Variants in RICTOR observed in about 807,000 individuals in gnomAD.
RICTOR encodes RPTOR independent companion of MTOR complex 2, also known as rapamycin-insensitive companion of mTOR.
In RICTOR, 49 loss-of-function variants were observed where a neutral mutation model predicts 214.9. The ratio of observed to expected loss-of-function variants is 0.23; its 90% CI spans 0.18 to 0.29. The LOEUF (loss-of-function observed/expected upper bound fraction) is 0.29. Among genes scored for constraint, RICTOR ranks in the 10% least tolerant of loss-of-function variants. The pLI, the probability that RICTOR is intolerant of heterozygous loss-of-function variation, is 1.00. For missense variants in RICTOR, 1,625 were observed against 2,047.0 expected (o/e 0.79, Z 3.98); for synonymous variants, 717 against 711.3 (o/e 1.01, Z -0.13).
intron 36 of RICTOR, chr5:38,943,229 G>A: frequency 2.9e-6 from 1 of 346,244 alleles, no homozygotes; most frequent in South Asian, 6.0e-5. Context: ...TTTTTTATTG[G>A]CATGAGAAAT....
chr5:39,045,463 T>A (rs1443111106), intron 2 of RICTOR, among the ~76,000 whole-genome samples: 1 of 152,164 alleles, frequency 6.6e-6, no homozygotes, highest in Non-Finnish European at 1.5e-5. Context: ...AATTTCTATG[T>A]CTTAGTCTGT....
chr5:38,955,442 A>G (rs1389211194), intron 26 of RICTOR, among the ~76,000 whole-genome samples, 153 bp downstream of exon 26: 2 of 152,082 alleles, frequency 1.3e-5, no homozygotes, highest in African/African-American at 4.8e-5. Flanking sequence ...AAGGATATTC[A>G]ACATGCCATG....
intron 2 of RICTOR, among the ~76,000 whole-genome samples, chr5:39,028,835 C>G (rs1756059061): frequency 6.6e-6 from 1 of 152,064 alleles, no homozygotes; most frequent in Admixed American, 6.6e-5. Context: ...GTGTTTGAGG[C>G]TGCAGTGAGC....
intron 3 of RICTOR, among the ~76,000 whole-genome samples, chr5:39,017,941 T>A (rs1260280878): frequency 6.6e-6 from 1 of 152,066 alleles, no homozygotes. Context: ...CAAACAAGCT[T>A]CAAGGCGATA....
At chr5:39,034,976 C>T (rs1426355794) in intron 2 of RICTOR, among the ~76,000 whole-genome samples, 4 of 152,226 alleles carry the variant, frequency 2.6e-5, no homozygotes, top group Non-Finnish European at 4.4e-5. Context: ...AGTGGTTCTC[C>T]CAGCACGCAG....
chr5:38,939,019 TAGTTTACA>T lies in RICTOR; in HGVS notation c.*3277_*3284del, dbSNP rs1747253278. On this transcript the variant is annotated 3_prime_UTR_variant, in exon 38 of 38. Transcript: ENST00000357387. The stretch of plus-strand genomic sequence containing the variant: ...TACTTCCAAAGAACATTTCCCAAAG[TAGTTTACA>T]AAGTTCATCTCACACAAAATTAGCA... 8.6e-6 allele frequency: 2 copies of T among 232,968 alleles called. No homozygotes were observed. The highest frequency in any genetic ancestry group is 1.2e-4 in the East Asian group (2 of 16,434). 14.4% of individuals were successfully genotyped at this position (232,968 alleles called of 1,614,324 possible).
At chr5:39,017,699 CAAT>C (rs1221744865) in intron 3 of RICTOR, among the ~76,000 whole-genome samples, 1 of 152,070 alleles carries the variant, frequency 6.6e-6, no homozygotes, top group Non-Finnish European at 1.5e-5. Flanking sequence ...ATTTATTGCA[CAAT>C]ACTACATAAA....
Position 39,002,636 on chromosome 5 carries a change from T to C in RICTOR, c.291A>G (p.Lys97=), listed in dbSNP as rs2150105797. 1 of 1,608,672 alleles carries C rather than the reference T, an allele frequency of 6.2e-7. No individual in the cohort carries two copies. Among genetic ancestry groups the C allele is most frequent in the East Asian group, 2.2e-5 (1 of 44,688 alleles). The change falls in exon 5 of 38, where the codon AAA becomes AAG. Residue 97 remains lysine, a synonymous_variant. Coordinates refer to ENST00000357387, the MANE Select transcript of RICTOR (RefSeq NM_152756.5). ...CTCGTAGCCCTGCTGCTCGCACTTC[T>C]TTTGCTTCATTTAATAAAGCTAACC... ...CLRLALLNEA[K]EVRAAGLRAL...
intron 2 of RICTOR, among the ~76,000 whole-genome samples, chr5:39,073,026 TGTC>T (rs1200240353): frequency 6.6e-6 from 1 of 152,250 alleles, no homozygotes; most frequent in African/African-American, 2.4e-5. Flanking sequence ...CTCTAGCCGT[TGTC>T]AACAAGGAGC....
intron 3 of RICTOR, among the ~76,000 whole-genome samples, chr5:39,017,113 G>T (rs1262141109): frequency 6.6e-6 from 1 of 152,054 alleles, no homozygotes; most frequent in Non-Finnish European, 1.5e-5. Flanking sequence ...TAGTAACAAA[G>T]TAAAATAACA....
chr5:39,063,837 A>T (rs1355862126), intron 2 of RICTOR, among the ~76,000 whole-genome samples: 2 of 147,522 alleles, frequency 1.4e-5, no homozygotes, highest in East Asian at 3.9e-4. Context: ...AATGGGGTTA[A>T]AAAAAAAAAG....
chr5:38,993,949 A>G (rs1163527926), intron 6 of RICTOR, among the ~76,000 whole-genome samples: 2 of 152,126 alleles, frequency 1.3e-5, no homozygotes, highest in African/African-American at 2.4e-5. Flanking sequence ...CTGGGAGGCC[A>G]AGGCGGGCAG....
intron 2 of RICTOR, among the ~76,000 whole-genome samples, chr5:39,024,511 T>C (rs1755662459): frequency 6.6e-6 from 1 of 152,226 alleles, no homozygotes; most frequent in African/African-American, 2.4e-5. Flanking sequence ...TTAACTATAT[T>C]TGAGAAGTTC....
rs186235861 is a variant in RICTOR, at chr5:38,959,155, T to C, written c.2178+40A>G. On this transcript the variant is annotated intron_variant, in intron 22 of 37. Coordinates refer to ENST00000357387, the MANE Select transcript of RICTOR (RefSeq NM_152756.5). ...CAAAATTCATAAAGTAGTGAATTAATTGGTTATAAATATAGTTTTACTGGC... is the reference window on the plus strand; with the variant it reads ...CAAAATTCATAAAGTAGTGAATTAACTGGTTATAAATATAGTTTTACTGGC... 460 of 1,437,588 alleles carry C rather than the reference T, an allele frequency of 3.2e-4. 1 individual carries two copies. The highest frequency in any genetic ancestry group is 1.1e-3 in the Admixed American group (48 of 42,340). 89.1% of individuals were successfully genotyped at this position (1,437,588 alleles called of 1,614,324 possible).
In RICTOR at chr5:39,002,592, T is replaced by C; in HGVS notation, c.335A>G (p.Gln112Arg). The change falls in exon 5 of 38, where the codon CAA becomes CGA. Residue 112 changes from glutamine (Q) to arginine (R), a missense_variant. Gln to Arg is a conservative substitution (Grantham distance 43). Around this residue, in one of 5 missense-constraint regions of RICTOR, gnomAD observed 258 missense variants for 393.7 expected, o/e 0.66. Transcript: ENST00000357387. Reference protein sequence around the residue: ...AGLRALRYLIQDSSILQKVLK... With the variant: ...AGLRALRYLIRDSSILQKVLK... ...CACCTTCTGGAGAATACTGGAGTCT[T>C]GGATGAGATATCGAAGCGCTCGTAG... 6.2e-7 allele frequency: 1 copy of C among 1,612,202 alleles called. No individual in the cohort carries two copies. Among genetic ancestry groups the C allele is most frequent in the Non-Finnish European group, 8.5e-7 (1 of 1,178,572 alleles).
rs530509819 is a variant in RICTOR, at chr5:39,040,218, C to G, written c.98-19082G>C. ...CATTCTCAGCAAACTATTGCAAGGA[C>G]AAAAAACCAAACACCACATGTTCTC... On this transcript the variant is annotated intron_variant, in intron 2 of 37. Coordinates refer to ENST00000357387, the MANE Select transcript of RICTOR (RefSeq NM_152756.5). 1.8e-3 allele frequency among the ~76,000 whole-genome samples: 269 copies of G among 149,080 alleles called. 2 individuals carry two copies. The highest frequency in any genetic ancestry group is 6.4e-3 in the African/African-American group (257 of 40,354).
chr5:39,049,246 G>C (rs1178537024), intron 2 of RICTOR, among the ~76,000 whole-genome samples: 1 of 149,756 alleles, frequency 6.7e-6, no homozygotes, highest in Non-Finnish European at 1.5e-5. Flanking sequence ...CAAAAACCAT[G>C]AACACACAAG....
In RICTOR at chr5:38,962,552, T is replaced by C; in HGVS notation, c.1601A>G (p.Asp534Gly). The C allele has an allele frequency of 6.3e-7, 1 of 1,575,686 alleles. No individual in the cohort carries two copies. Among genetic ancestry groups the C allele is most frequent in the Non-Finnish European group, 8.6e-7 (1 of 1,156,854 alleles). The change falls in exon 18 of 38, where the codon GAT (aspartate) becomes GGT (glycine). Residue 534 changes from aspartate (D) to glycine (G), a missense_variant. By Grantham distance (94) the Asp-to-Gly change is moderately conservative. Coordinates refer to ENST00000357387, the MANE Select transcript of RICTOR (RefSeq NM_152756.5). Reference protein sequence around the residue: ...TEEALLINLRDSQVLQHKENL... With the variant: ...TEEALLINLRGSQVLQHKENL... ...CTCTTTATGTTGAAGGACTTGGCTA[T>C]CTCTAAGGTTAATTAAAAGAGCTTC... is the stretch of plus-strand genomic sequence containing the variant.
Position 38,962,890 on chromosome 5 carries a change from T to A in RICTOR, c.1552A>T (p.Ile518Leu), listed in dbSNP as rs781203119. 1 of 1,612,264 alleles carries A rather than the reference T, an allele frequency of 6.2e-7. No homozygotes were observed. Among genetic ancestry groups the A allele is most frequent in the East Asian group, 2.2e-5 (1 of 44,818 alleles). The change falls in exon 17 of 38, where the codon ATA (isoleucine) becomes TTA (leucine). Residue 518 changes from isoleucine (I) to leucine (L), a missense_variant. Transcript: ENST00000357387. ...CATGTCAGCACCTTAAGGATAAATATATCTTTCTGAACTCGGAGATACTGA... is the reference window on the plus strand; with the variant it reads ...CATGTCAGCACCTTAAGGATAAATAAATCTTTCTGAACTCGGAGATACTGA... Reference protein sequence around the residue: ...RDQYLRVQKDIFILKDTEEAL... With the variant: ...RDQYLRVQKDLFILKDTEEAL...
Sources: allele counts gnomAD v4.1 joint callset (sites outside exome capture counted in the v4.1 genomes callset), GRCh38; gene constraint gnomAD v4.1.1; regional missense constraint gnomAD v4.1.1; transcripts MANE v1.5; gene names NCBI Gene and HGNC (gene_info 2026-07-23, HGNC 2026-07-21).